The following MAST4 variants were observed in gnomAD, a reference collection of about 807,000 sequenced individuals.
The protein encoded by MAST4 is microtubule associated serine/threonine kinase family member 4.
Under a neutral mutation model 162.7 loss-of-function variants are expected in MAST4, and 89 were observed. The ratio of observed to expected loss-of-function variants is 0.55; its 90% CI spans 0.46 to 0.65. The LOEUF (loss-of-function observed/expected upper bound fraction) is 0.65, where lower values mean the gene tolerates loss of function less well. MAST4 is among the 30% of genes least tolerant of loss of function. The pLI is 0.00. For missense variants in MAST4, 3,153 were observed against 3,374.0 expected (o/e 0.93, Z 1.62); for synonymous variants, 1,479 against 1,361.1 (o/e 1.09, Z -1.91).
At chr5:66,972,266 T>C (rs979423188) in intron 4 of MAST4, among the ~76,000 whole-genome samples, 7 of 152,196 alleles carry the variant, frequency 4.6e-5, no homozygotes, top group African/African-American at 1.7e-4. Flanking sequence ...GTACTAATAG[T>C]CTCGGGTGAA....
intron 3 of MAST4, among the ~76,000 whole-genome samples, chr5:66,842,711 C>T (rs1042397977): frequency 4.6e-5 from 7 of 152,176 alleles, no homozygotes; most frequent in Middle Eastern, 3.4e-3. Context: ...GTGGTGGAGG[C>T]GAGATGAGAG....
At chr5:66,849,020 A>G (rs1326052715) in intron 3 of MAST4, among the ~76,000 whole-genome samples, 2 of 152,216 alleles carry the variant, frequency 1.3e-5, no homozygotes, top group Non-Finnish European at 2.9e-5. Context: ...GCCTCTGCAA[A>G]ACAGGAAACC....
chr5:66,962,763 A>G (rs534789857), intron 4 of MAST4, among the ~76,000 whole-genome samples: 19 of 152,300 alleles, frequency 1.2e-4, no homozygotes, highest in African/African-American at 3.6e-4. Context: ...AGGAGTTTCT[A>G]TTGCTCACTT....
At chr5:66,745,205 A>G (rs1416738427) in intron 1 of MAST4, among the ~76,000 whole-genome samples, 1 of 152,194 alleles carries the variant, frequency 6.6e-6, no homozygotes, top group African/African-American at 2.4e-5. Flanking sequence ...GCCTCAAACC[A>G]CTGCCTTCCT....
intron 3 of MAST4, among the ~76,000 whole-genome samples, chr5:66,791,242 ACGGACT>A (rs1755390362): frequency 1.3e-5 from 2 of 152,162 alleles, no homozygotes; most frequent in South Asian, 4.1e-4. Context: ...CGGGCTCGTC[ACGGACT>A]CCTGACCTCA....
intron 1 of MAST4, among the ~76,000 whole-genome samples, chr5:66,640,135 A>G (rs1419892960): frequency 6.6e-6 from 1 of 152,032 alleles, no homozygotes; most frequent in Admixed American, 6.6e-5. Flanking sequence ...TACAACAACT[A>G]TTTTTAGATT....
intron 5 of MAST4, among the ~76,000 whole-genome samples, chr5:67,078,787 T>TATCTAAATATATATATTTATTTATATTC: frequency 7.5e-6 from 1 of 132,524 alleles, no homozygotes; most frequent in African/African-American, 2.8e-5. Context: ...TATTTATATT[T>TATCTAAATATATATATTTATTTATATTC]ATCTAAATAT....
intron 4 of MAST4, among the ~76,000 whole-genome samples, chr5:66,978,472 GTTC>G (rs1345525144): frequency 1.3e-5 from 2 of 152,172 alleles, no homozygotes. Flanking sequence ...AAGAGAAGAT[GTTC>G]TTCTTTTAGT....
chr5:67,052,149 CTTCTT>C (rs1411626160), intron 4 of MAST4, among the ~76,000 whole-genome samples: 2 of 152,100 alleles, frequency 1.3e-5, no homozygotes, highest in African/African-American at 2.4e-5. Flanking sequence ...TTTAACTTCT[CTTCTT>C]TTAACTTTCT....
chr5:66,682,669 G>A (rs4700148), intron 1 of MAST4, among the ~76,000 whole-genome samples: 16,441 of 152,286 alleles, frequency 0.11, 980 homozygotes, highest in Admixed American at 0.16. Flanking sequence ...AGAGAGTGCC[G>A]TTGGTAGCAA....
intron 4 of MAST4, among the ~76,000 whole-genome samples, chr5:66,936,150 T>A (rs1742725105): frequency 6.6e-6 from 1 of 152,204 alleles, no homozygotes; most frequent in Admixed American, 6.5e-5. Flanking sequence ...GTTATTCTGG[T>A]TTCAAAACGA....
intron 4 of MAST4, among the ~76,000 whole-genome samples, chr5:66,920,794 CT>C (rs552415028): frequency 4.0e-4 from 61 of 152,218 alleles, no homozygotes; most frequent in Middle Eastern, 3.4e-3. Flanking sequence ...TTTTATAATA[CT>C]TATATTTAAC....
intron 3 of MAST4, among the ~76,000 whole-genome samples, chr5:66,864,342 T>A (rs36155): frequency 0.54 from 82,649 of 151,842 alleles, 23,741 homozygotes; most frequent in Non-Finnish European, 0.64. Flanking sequence ...AGAGATCCTG[T>A]GTTGAGAACA....
At chr5:66,690,826 G>A (rs1748992397) in intron 1 of MAST4, among the ~76,000 whole-genome samples, 1 of 152,176 alleles carries the variant, frequency 6.6e-6, no homozygotes, top group African/African-American at 2.4e-5. Flanking sequence ...ACATGAAGGT[G>A]TTCACTGGTG....
At chr5:67,141,966 C>A in intron 19 of MAST4, 149 bp from the exon 20 acceptor site, 2 of 804,434 alleles carry the variant, frequency 2.5e-6, no homozygotes, top group Non-Finnish European at 1.9e-6. Context: ...ACTTGTGGGG[C>A]TTTGGTTGTA....
intron 3 of MAST4, among the ~76,000 whole-genome samples, chr5:66,801,244 T>C (rs1445536851): frequency 6.6e-6 from 1 of 152,146 alleles, no homozygotes; most frequent in Non-Finnish European, 1.5e-5. Flanking sequence ...ACATTTACTG[T>C]AGAATTTCAG....
chr5:66,901,200 G>A (rs1482449295), intron 4 of MAST4, among the ~76,000 whole-genome samples: 2 of 152,008 alleles, frequency 1.3e-5, no homozygotes, highest in East Asian at 1.9e-4. Context: ...TTATTTTTTT[G>A]TACTTTTATT....
At chr5:66,967,378 A>C (rs996786822) in intron 4 of MAST4, among the ~76,000 whole-genome samples, 5 of 152,230 alleles carry the variant, frequency 3.3e-5, no homozygotes, top group African/African-American at 1.2e-4. Context: ...TTGGCCAGAA[A>C]TAAGACATCT....
chr5:67,049,658 A>G (rs1757932749), intron 4 of MAST4, among the ~76,000 whole-genome samples: 2 of 152,180 alleles, frequency 1.3e-5, no homozygotes, highest in Admixed American at 6.5e-5. Flanking sequence ...TACTCAATTC[A>G]CTATATTATT....
Sources: allele counts gnomAD v4.1 joint callset (sites outside exome capture counted in the v4.1 genomes callset), GRCh38; gene constraint gnomAD v4.1.1; transcripts MANE v1.5; gene names NCBI Gene and HGNC (gene_info 2026-07-23, HGNC 2026-07-21).